ASCC1: variants seen among roughly 807,000 people sequenced by gnomAD.
The protein encoded by ASCC1 is activating signal cointegrator 1 complex subunit 1, also known as ASC-1 complex subunit P50.
A neutral mutation model predicts 46.6 loss-of-function variants in ASCC1; 35 were observed. The ratio of observed to expected loss-of-function variants is 0.75; its 90% CI spans 0.57 to 0.99. The LOEUF (loss-of-function observed/expected upper bound fraction) is 0.99, where lower values mean the gene tolerates loss of function less well. Among genes scored for constraint, ASCC1 ranks in the 50% least tolerant of loss-of-function variants. The pLI, the probability that ASCC1 is intolerant of heterozygous loss-of-function variation, is 0.00. For synonymous variants in ASCC1, 143 were observed against 146.6 expected (o/e 0.98, Z 0.18); for missense variants, 376 against 428.7 (o/e 0.88, Z 1.09).
rs554856044 is a variant in ASCC1, at chr10:72,147,258, C to T, written c.746+5611G>A. On this transcript the variant is annotated intron_variant, in intron 7 of 9. Transcript: ENST00000672957. ...GGATTCAGTGGATATTTCACAACAC[C>T]TTTTATTTTTTTTGTGATGGAGTTT... Among the ~76,000 whole-genome samples the T allele has an allele frequency of 4.0e-5, 6 of 151,684 alleles. No homozygotes were observed. The East Asian group carries it at 7.7e-4, about 20-fold the overall frequency.
intron 7 of ASCC1, among the ~76,000 whole-genome samples, chr10:72,143,094 G>C (rs985549453): frequency 6.6e-6 from 1 of 151,032 alleles, no homozygotes; most frequent in African/African-American, 2.4e-5. Context: ...CCAGGCAGTG[G>C]AGCTTGCAGT....
chr10:72,176,238 T>C (rs551436366), intron 5 of ASCC1, among the ~76,000 whole-genome samples: 2 of 152,326 alleles, frequency 1.3e-5, no homozygotes, highest in South Asian at 4.1e-4. Context: ...GTACCTGCCT[T>C]GGTGCCCAAC....
At chr10:72,161,178 C>T (rs573610498) in intron 6 of ASCC1, among the ~76,000 whole-genome samples, 1 of 142,792 alleles carries the variant, frequency 7.0e-6, no homozygotes, top group Non-Finnish European at 1.5e-5. Context: ...CCAGCCTGGG[C>T]GACAGGAAAA....
chr10:72,203,397 C>T, intron 4 of ASCC1, 30 bp downstream of exon 4: 1 of 1,509,894 alleles, frequency 6.6e-7, no homozygotes, highest in Non-Finnish European at 9.2e-7. Flanking sequence ...AAAGTGACTT[C>T]AAATGTAACT....
chr10:72,140,806 C>T (rs953434945), intron 7 of ASCC1, among the ~76,000 whole-genome samples: 5 of 152,172 alleles, frequency 3.3e-5, no homozygotes, highest in Admixed American at 6.5e-5. Flanking sequence ...TGCAGGGCTG[C>T]ACCACTGTGG....
In ASCC1 at chr10:72,190,565, C is replaced by T; in HGVS notation, c.489+6246G>A. On this transcript the variant is annotated intron_variant, in intron 5 of 9. Transcript: ENST00000672957. ...AAGGCGCAATACTCTCCAGCTCCAC[C>T]ATTATCGCTAATATAAGTAAAGTTT... 9 of 1,387,106 alleles carry T rather than the reference C, an allele frequency of 6.5e-6. 1 individual carries two copies. The South Asian group carries it at 1.1e-4, about 17-fold the overall frequency. 85.9% of individuals were successfully genotyped at this position (1,387,106 alleles called of 1,614,324 possible).
intron 5 of ASCC1, among the ~76,000 whole-genome samples, chr10:72,173,637 C>T (rs1228369289): frequency 7.2e-5 from 11 of 152,176 alleles, no homozygotes; most frequent in Admixed American, 7.2e-4. Context: ...CCTCACAATG[C>T]CATCTACCAA....
chr10:72,144,195 T>C lies in ASCC1; in HGVS notation c.746+8674A>G, dbSNP rs188443880. Among the ~76,000 whole-genome samples, 137 of 152,222 alleles carry C rather than the reference T, an allele frequency of 9.0e-4. 2 individuals are homozygous for C. Among genetic ancestry groups the C allele is most frequent in the African/African-American group, 3.2e-3 (133 of 41,556 alleles). ...TTTCACCATCTTGGCCAGGCTGGTC[T>C]TGAACTCCTGACCTCATGATCCACC... is the stretch of plus-strand genomic sequence containing the variant. On this transcript the variant is annotated intron_variant, in intron 7 of 9. Transcript: ENST00000672957.
At chr10:72,215,018 A>G (rs1376647603) in intron 1 of ASCC1, among the ~76,000 whole-genome samples, 1 of 152,280 alleles carries the variant, frequency 6.6e-6, no homozygotes, top group Non-Finnish European at 1.5e-5. Flanking sequence ...AATTCAACCA[A>G]TATTCCTACC....
intron 7 of ASCC1, among the ~76,000 whole-genome samples, chr10:72,141,036 T>TATAGATAG (rs10655614): frequency 0.1 from 15,042 of 144,096 alleles, 891 homozygotes; most frequent in East Asian, 0.11. Flanking sequence ...TCAAATTGTT[T>TATAGATAG]ATAGATAGAT....
At chr10:72,128,310 T>A in intron 8 of ASCC1, 143 bp from the exon 9 acceptor site, 1 of 714,222 alleles carries the variant, frequency 1.4e-6, no homozygotes, top group South Asian at 1.5e-5. Flanking sequence ...AATGTCAGGC[T>A]ATGAATCAAG....
At chr10:72,189,919 G>T in intron 5 of ASCC1, 1 of 695,064 alleles carries the variant, frequency 1.4e-6, no homozygotes, top group South Asian at 1.6e-5. Context: ...TCTGTCTGGC[G>T]GCAGCCATCA....
chr10:72,200,124 T>C (rs1856281146), intron 4 of ASCC1, among the ~76,000 whole-genome samples: 1 of 152,124 alleles, frequency 6.6e-6, no homozygotes, highest in African/African-American at 2.4e-5. Flanking sequence ...AGTTCTGGAA[T>C]GAATCTAGTA....
chr10:72,197,095 C>A, intron 4 of ASCC1, 106 bp from the exon 5 acceptor site: 2 of 997,484 alleles, frequency 2.0e-6, no homozygotes, highest in East Asian at 2.5e-5. Context: ...GTTCTGAATG[C>A]GTATATGAAT....
intron 5 of ASCC1, among the ~76,000 whole-genome samples, chr10:72,178,804 C>T (rs1478348019): frequency 6.6e-6 from 1 of 152,118 alleles, no homozygotes; most frequent in Non-Finnish European, 1.5e-5. Context: ...TAAACTATAA[C>T]CTGATATTTC....
At chr10:72,125,623 G>A (rs1308862978) in intron 9 of ASCC1, among the ~76,000 whole-genome samples, 4 of 152,090 alleles carry the variant, frequency 2.6e-5, no homozygotes, top group Non-Finnish European at 5.9e-5. Context: ...TGTTGGGGGT[G>A]GGAGGTAACT....
intron 3 of ASCC1, 39 bp from the exon 4 acceptor site, chr10:72,203,563 T>C (rs1856799247): frequency 7.1e-7 from 1 of 1,418,326 alleles, no homozygotes; most frequent in African/African-American, 1.4e-5. Flanking sequence ...TAAGTCAAAA[T>C]GTACCAAAAT....
At chr10:72,204,912 TC>T (rs2094063060) in intron 3 of ASCC1, among the ~76,000 whole-genome samples, 1 of 152,194 alleles carries the variant, frequency 6.6e-6, no homozygotes, top group African/African-American at 2.4e-5. Context: ...AACAAGCCTA[TC>T]ACAAAAAGCA....
rs983024616 is a variant in ASCC1 at position 72,141,074 on chromosome 10, TAGATAG to T, written c.747-7899_747-7894del. The stretch of plus-strand genomic sequence containing the variant: ...ATAGATAGATAGATAGATAGATAGA[TAGATAG>T]ATAGATATAGATATAGACATAGAGA... On this transcript the variant is annotated intron_variant, in intron 7 of 9. Transcript: ENST00000672957. Among the ~76,000 whole-genome samples the T allele has an allele frequency of 1.3e-4, 19 of 150,046 alleles. No homozygotes were observed. The East Asian group carries it at 1.8e-3, about 14-fold the overall frequency.
Sources: allele counts gnomAD v4.1 joint callset (sites outside exome capture counted in the v4.1 genomes callset), GRCh38; gene constraint gnomAD v4.1.1; transcripts MANE v1.5; gene names NCBI Gene and HGNC (gene_info 2026-07-23, HGNC 2026-07-21).